Variants in NEDD4L observed in about 807,000 individuals in gnomAD.
The protein encoded by NEDD4L is E3 ubiquitin-protein ligase NEDD4-like.
In NEDD4L, 54 loss-of-function variants were observed where a neutral mutation model predicts 148.9. The observed-to-expected ratio is 0.36, with a 90% CI of 0.29 to 0.45. NEDD4L has a LOEUF of 0.45. Ranked by LOEUF, NEDD4L falls within the 20% of genes least tolerant of loss-of-function variation. NEDD4L has a pLI of 1.00. For synonymous variants in NEDD4L, 433 were observed against 440.7 expected, an observed-to-expected ratio of 0.98 and a Z score of 0.22; for missense variants, 856 against 1,233.8, an observed-to-expected ratio of 0.69 and a Z score of 4.59.
rs538099086 is a variant in NEDD4L, at chr18:58,101,654, C to CT, written c.48+56946_48+56947insT. ...CTGCAATTAGTAAATTACAGAATGA[C>CT]ATCATGAAATAGAAAACTGTATTCC... On this transcript the variant is annotated intron_variant, in intron 1 of 30. Coordinates refer to ENST00000400345, the MANE Select transcript of NEDD4L (RefSeq NM_001144967.3). 1.0e-3 allele frequency among the ~76,000 whole-genome samples: 159 copies of CT among 152,262 alleles called. 5 individuals carry two copies. In the South Asian group the frequency reaches 0.031, roughly 30 times the overall value.
chr18:58,219,561 GCTT>G (rs1414737795), intron 2 of NEDD4L, among the ~76,000 whole-genome samples: 2 of 151,982 alleles, frequency 1.3e-5, no homozygotes, highest in African/African-American at 4.8e-5. Flanking sequence ...AGCAGGATTG[GCTT>G]CTTCTGCGGC....
intron 13 of NEDD4L, among the ~76,000 whole-genome samples, chr18:58,337,246 T>C (rs968197855): frequency 1.3e-5 from 2 of 152,208 alleles, no homozygotes; most frequent in African/African-American, 4.8e-5. Context: ...TATTCATTCC[T>C]AAGTGTTTCA....
At chr18:58,145,745 A>G (rs1339330984) in intron 1 of NEDD4L, among the ~76,000 whole-genome samples, 1 of 152,008 alleles carries the variant, frequency 6.6e-6, no homozygotes, top group East Asian at 1.9e-4. Flanking sequence ...TCCTCTACTT[A>G]AGGCTCTTTG....
chr18:58,255,608 C>T, intron 5 of NEDD4L: 1 of 1,232,484 alleles, frequency 8.1e-7, no homozygotes, highest in Non-Finnish European at 1.0e-6. Context: ...GTTGTTGCCG[C>T]TTGCCCTAGC....
intron 2 of NEDD4L, among the ~76,000 whole-genome samples, chr18:58,223,997 C>T (rs1400871263): frequency 1.3e-5 from 2 of 152,208 alleles, no homozygotes; most frequent in Non-Finnish European, 2.9e-5. Context: ...TACCCAGATT[C>T]CCTCCCACAG....
At position 58,059,810 on chromosome 18, in the gene NEDD4L, A is replaced by G. The variant is rs77336368; in HGVS notation, c.48+15102A>G. On this transcript the variant is annotated intron_variant, in intron 1 of 30. Transcript: ENST00000400345. ...ACTTGGTAAGTATGTGGGGTAATGCATAGGTTAACTAGCTTGAATTAACCA... is the reference window on the plus strand; with the variant it reads ...ACTTGGTAAGTATGTGGGGTAATGCGTAGGTTAACTAGCTTGAATTAACCA... Among the ~76,000 whole-genome samples, 292 of 152,346 alleles carry G rather than the reference A, an allele frequency of 1.9e-3. 1 individual carries two copies. The highest frequency in any genetic ancestry group is 6.9e-3 in the African/African-American group (286 of 41,584).
At chr18:58,177,785 A>G (rs2038353139) in intron 2 of NEDD4L, among the ~76,000 whole-genome samples, 1 of 152,358 alleles carries the variant, frequency 6.6e-6, no homozygotes, top group Non-Finnish European at 1.5e-5. Flanking sequence ...TTCATTTGCT[A>G]AGAAACATTG....
intron 1 of NEDD4L, chr18:58,045,513 T>G: frequency 5.8e-6 from 1 of 172,826 alleles, no homozygotes; most frequent in Non-Finnish European, 1.2e-5. Context: ...GCTTTGTTTT[T>G]ACCTTCATTC....
intron 2 of NEDD4L, among the ~76,000 whole-genome samples, chr18:58,217,937 G>A (rs908611075): frequency 3.9e-5 from 6 of 152,032 alleles, no homozygotes; most frequent in South Asian, 2.1e-4. Context: ...CGTACTTTTC[G>A]AAGGCTGCAG....
At chr18:58,309,651 C>T (rs2057452066) in intron 5 of NEDD4L, among the ~76,000 whole-genome samples, 1 of 151,872 alleles carries the variant, frequency 6.6e-6, no homozygotes, top group Non-Finnish European at 1.5e-5. Flanking sequence ...GTTCGCACCC[C>T]CAGTTTCCTG....
intron 2 of NEDD4L, among the ~76,000 whole-genome samples, chr18:58,180,396 T>C (rs2038718198): frequency 6.6e-6 from 1 of 152,196 alleles, no homozygotes; most frequent in Non-Finnish European, 1.5e-5. Context: ...AGATTCTCCC[T>C]GATAGGCCTT....
At chr18:58,210,478 C>T (rs745469962) in intron 2 of NEDD4L, among the ~76,000 whole-genome samples, 15 of 152,234 alleles carry the variant, frequency 9.9e-5, no homozygotes, top group South Asian at 6.2e-4. Context: ...GATGGAGTTT[C>T]GCTCTTGTTG....
At chr18:58,230,417 CTTT>C in intron 2 of NEDD4L, among the ~76,000 whole-genome samples, 1 of 143,148 alleles carries the variant, frequency 7.0e-6, no homozygotes, top group African/African-American at 2.5e-5. Context: ...GAAGCTTCTT[CTTT>C]TTTTTTTTTT....
intron 1 of NEDD4L, among the ~76,000 whole-genome samples, chr18:58,092,078 T>TA (rs1265234291): frequency 4.6e-5 from 7 of 152,214 alleles, no homozygotes; most frequent in African/African-American, 1.7e-4. Context: ...CCAAGCCAGG[T>TA]AAATAAATCT....
At chr18:58,257,521 G>A (rs937187281) in intron 5 of NEDD4L, among the ~76,000 whole-genome samples, 1 of 152,104 alleles carries the variant, frequency 6.6e-6, no homozygotes, top group African/African-American at 2.4e-5. Context: ...ATGGCGTGGC[G>A]TGCAATTTAA....
intron 5 of NEDD4L, among the ~76,000 whole-genome samples, chr18:58,288,591 T>C (rs994574159): frequency 2.6e-5 from 4 of 152,236 alleles, no homozygotes; most frequent in Non-Finnish European, 5.9e-5. Context: ...TGGTTTGCTA[T>C]TGCAAAATGA....
At chr18:58,393,428 T>C (rs1041321423) in intron 30 of NEDD4L, among the ~76,000 whole-genome samples, 4 of 152,144 alleles carry the variant, frequency 2.6e-5, no homozygotes, top group African/African-American at 9.7e-5. Context: ...AATTCACAGC[T>C]CTTCCCTAGG....
intron 1 of NEDD4L, among the ~76,000 whole-genome samples, chr18:58,049,542 C>T (rs1031341157): frequency 1.3e-5 from 2 of 152,038 alleles, no homozygotes; most frequent in African/African-American, 2.4e-5. Flanking sequence ...GTGCCTGTGT[C>T]GGGCCTAGAT....
chr18:58,316,150 C>T, intron 6 of NEDD4L, 118 bp downstream of exon 6: 1 of 834,800 alleles, frequency 1.2e-6, no homozygotes, highest in Admixed American at 2.0e-5. Flanking sequence ...TGAAATGAAG[C>T]ACGTGTGCTG....
Sources: gnomAD v4.1 joint callset for allele counts (sites outside exome capture counted in the v4.1 genomes callset) on GRCh38, gnomAD v4.1.1 for gene constraint, MANE v1.5 for transcripts, NCBI Gene and HGNC (gene_info 2026-07-23, HGNC 2026-07-21) for gene names.